THSD4: variants seen among roughly 807,000 people sequenced by gnomAD.
THSD4 encodes thrombospondin type 1 domain containing 4.
THSD4 carries 69 observed loss-of-function variants against 119.0 expected under a neutral mutation model. That is an observed-to-expected ratio of 0.58 (90% confidence interval 0.48 to 0.71). THSD4 has a LOEUF of 0.71. Among genes scored for constraint, THSD4 ranks in the 30% least tolerant of loss-of-function variants. The pLI is 0.00. For missense variants in THSD4, 1,393 were observed against 1,391.1 expected, an observed-to-expected ratio of 1.00 and a Z score of -0.02; for synonymous variants, 524 against 540.4, an observed-to-expected ratio of 0.97 and a Z score of 0.42.
chr15:71,645,683 TG>T (rs2050955687), intron 7 of THSD4, among the ~76,000 whole-genome samples: 1 of 152,100 alleles, frequency 6.6e-6, no homozygotes. Flanking sequence ...GGGTTTGCTT[TG>T]GGGAAAAAAG....
intron 8 of THSD4, among the ~76,000 whole-genome samples, chr15:71,664,149 A>C (rs4777432): frequency 0.12 from 18,691 of 151,722 alleles, 1,286 homozygotes; most frequent in South Asian, 0.18. Flanking sequence ...TACCCGGCTA[A>C]TTTTTTGTAT....
At chr15:71,274,559 GTTC>G (rs1272913329) in intron 6 of THSD4, among the ~76,000 whole-genome samples, 3 of 152,120 alleles carry the variant, frequency 2.0e-5, no homozygotes, top group East Asian at 1.9e-4. Context: ...TGCTGGTCTA[GTTC>G]TTCTCCCACC....
chr15:71,538,160 A>G (rs2048711730), intron 7 of THSD4, among the ~76,000 whole-genome samples: 1 of 152,210 alleles, frequency 6.6e-6, no homozygotes, highest in African/African-American at 2.4e-5. Context: ...TGTCTTCATT[A>G]TAGCTCTGCT....
chr15:71,339,516 G>A (rs2045535243), intron 6 of THSD4, among the ~76,000 whole-genome samples: 2 of 151,996 alleles, frequency 1.3e-5, no homozygotes, highest in South Asian at 2.1e-4. Context: ...TTAAAAATGA[G>A]AGCCGTACAT....
intron 3 of THSD4, among the ~76,000 whole-genome samples, chr15:71,203,391 A>G (rs948419007): frequency 6.6e-6 from 1 of 152,170 alleles, no homozygotes; most frequent in Non-Finnish European, 1.5e-5. Flanking sequence ...GTGATGGCTC[A>G]TGCCTGTAAT....
intron 7 of THSD4, among the ~76,000 whole-genome samples, chr15:71,635,978 A>C (rs894252338): frequency 3.9e-5 from 6 of 152,178 alleles, no homozygotes; most frequent in Non-Finnish European, 5.9e-5. Context: ...ATCTCAGTGA[A>C]GTCTGTCTGC....
intron 4 of THSD4, among the ~76,000 whole-genome samples, chr15:71,232,747 G>C (rs2044071574): frequency 6.6e-6 from 1 of 152,212 alleles, no homozygotes. Flanking sequence ...ATGAAGGGTG[G>C]AATGTGACAT....
intron 6 of THSD4, among the ~76,000 whole-genome samples, chr15:71,270,622 G>A (rs2044516931): frequency 6.6e-6 from 1 of 152,186 alleles, no homozygotes; most frequent in Non-Finnish European, 1.5e-5. Context: ...GCTAGTAAGT[G>A]ATAGAGCCAG....
intron 7 of THSD4, among the ~76,000 whole-genome samples, chr15:71,581,934 C>G (rs1285833952): frequency 6.6e-6 from 1 of 152,062 alleles, no homozygotes; most frequent in Non-Finnish European, 1.5e-5. Flanking sequence ...TATTTTGAAA[C>G]CAGAAAGTGT....
chr15:71,694,251 A>C (rs1242593584), intron 8 of THSD4, among the ~76,000 whole-genome samples: 1 of 152,356 alleles, frequency 6.6e-6, no homozygotes, highest in African/African-American at 2.4e-5. Context: ...CATCTGATTC[A>C]GAATACTTGG....
At chr15:71,683,598 A>G (rs1286792375) in intron 8 of THSD4, among the ~76,000 whole-genome samples, 1 of 152,212 alleles carries the variant, frequency 6.6e-6, no homozygotes, top group African/African-American at 2.4e-5. Context: ...GTCTTAAGGA[A>G]TGTGATCCTT....
intron 2 of THSD4, among the ~76,000 whole-genome samples, chr15:71,143,685 CT>C (rs11462253): frequency 3.0e-4 from 34 of 114,946 alleles, no homozygotes; most frequent in African/African-American, 9.5e-4. Context: ...TTTTTTCTTT[CT>C]TTTTTTTTTC....
chr15:71,671,269 G>A (rs2051522353), intron 8 of THSD4, among the ~76,000 whole-genome samples: 1 of 152,184 alleles, frequency 6.6e-6, no homozygotes, highest in Admixed American at 6.5e-5. Context: ...TCTGTTGGCT[G>A]CATAAATGTT....
chr15:71,502,965 G>A (rs1040848283), intron 7 of THSD4, among the ~76,000 whole-genome samples: 2 of 152,150 alleles, frequency 1.3e-5, no homozygotes, highest in Admixed American at 6.6e-5. Context: ...ACTTAGATAC[G>A]GTTGCATTAT....
At chr15:71,378,030 G>A (rs774870176) in intron 6 of THSD4, among the ~76,000 whole-genome samples, 1 of 152,134 alleles carries the variant, frequency 6.6e-6, no homozygotes, top group Non-Finnish European at 1.5e-5. Context: ...TGAGATGTCG[G>A]GAAGAAATTA....
chr15:71,448,175 A>G (rs1163686278), intron 7 of THSD4, among the ~76,000 whole-genome samples: 2 of 152,316 alleles, frequency 1.3e-5, no homozygotes, highest in African/African-American at 4.8e-5. Flanking sequence ...AAAAGTTGTT[A>G]TGTGGAAGTC....
At chr15:71,128,770 G>A (rs1487770885) in intron 1 of THSD4, among the ~76,000 whole-genome samples, 2 of 152,172 alleles carry the variant, frequency 1.3e-5, no homozygotes, top group Non-Finnish European at 2.9e-5. Context: ...GAAGAATAAA[G>A]GAGGGGGAAT....
chr15:71,255,117 C>T (rs368205076), intron 5 of THSD4, among the ~76,000 whole-genome samples: 9 of 152,200 alleles, frequency 5.9e-5, no homozygotes, highest in African/African-American at 2.2e-4. Flanking sequence ...GATTTCTCTA[C>T]AAATCCTTGA....
At chr15:71,312,986 T>G (rs976405799) in intron 6 of THSD4, among the ~76,000 whole-genome samples, 1 of 152,194 alleles carries the variant, frequency 6.6e-6, no homozygotes, top group Non-Finnish European at 1.5e-5. Flanking sequence ...CTCTGTCTTG[T>G]TCACTGCCAC....
Sources: allele counts gnomAD v4.1 joint callset (sites outside exome capture counted in the v4.1 genomes callset), GRCh38; gene constraint gnomAD v4.1.1; transcripts MANE v1.5; gene names NCBI Gene and HGNC (gene_info 2026-07-23, HGNC 2026-07-21).